The following RBFOX1 variants were observed in gnomAD, a reference collection of about 807,000 sequenced individuals.
The protein encoded by RBFOX1 is RNA binding fox-1 homolog 1.
RBFOX1 carries 8 observed loss-of-function variants against 57.7 expected under a neutral mutation model. The ratio of observed to expected loss-of-function variants is 0.14; its 90% CI spans 0.08 to 0.25. RBFOX1 has a LOEUF of 0.25. RBFOX1 is among the 10% of genes least tolerant of loss of function. The pLI, the probability that RBFOX1 is intolerant of heterozygous loss-of-function variation, is 1.00. For missense variants in RBFOX1, 611 were observed against 548.5 expected (o/e 1.11, Z -1.14); for synonymous variants, 326 against 222.4 (o/e 1.47, Z -4.15).
intron 4 of RBFOX1, among the ~76,000 whole-genome samples, chr16:7,374,981 C>T (rs1204261835): frequency 6.6e-6 from 1 of 152,194 alleles, no homozygotes; most frequent in Non-Finnish European, 1.5e-5. Context: ...TGTACAACAT[C>T]TGTCTTGGTG....
chr16:6,075,489 A>AAT (rs2095885631), intron 1 of RBFOX1, among the ~76,000 whole-genome samples: 1 of 152,210 alleles, frequency 6.6e-6, no homozygotes, highest in Non-Finnish European at 1.5e-5. Context: ...TGCTTTAGAA[A>AAT]ATATACTGTG....
intron 4 of RBFOX1, among the ~76,000 whole-genome samples, chr16:7,062,906 T>A (rs1471658895): frequency 5.4e-5 from 7 of 128,770 alleles, no homozygotes; most frequent in African/African-American, 2.1e-4. Flanking sequence ...TTTTTTTTTT[T>A]TTTTTTTTTT....
intron 10 of RBFOX1, among the ~76,000 whole-genome samples, chr16:7,610,600 A>G (rs1477004447): frequency 4.6e-5 from 7 of 152,186 alleles, no homozygotes; most frequent in Non-Finnish European, 8.8e-5. Flanking sequence ...CGGAAAATCC[A>G]CATGCTTTCC....
At chr16:6,884,128 C>A (rs1167408605) in intron 3 of RBFOX1, among the ~76,000 whole-genome samples, 2 of 152,202 alleles carry the variant, frequency 1.3e-5, no homozygotes, top group African/African-American at 4.8e-5. Flanking sequence ...GCATCTGATG[C>A]TCGACCGAGC....
At chr16:6,836,849 G>A (rs60070997) in intron 3 of RBFOX1, among the ~76,000 whole-genome samples, 2,705 of 152,286 alleles carry the variant, frequency 0.018, 87 homozygotes, top group African/African-American at 0.061. Context: ...AGTCCATGAT[G>A]CAGAATACTT....
At chr16:6,413,282 G>C (rs960562229) in intron 2 of RBFOX1, among the ~76,000 whole-genome samples, 1 of 145,218 alleles carries the variant, frequency 6.9e-6, no homozygotes, top group South Asian at 2.2e-4. Context: ...TGGTGCCATT[G>C]CACTCCAGCC....
At chr16:6,931,344 C>T (rs202023020) in intron 3 of RBFOX1, among the ~76,000 whole-genome samples, 15,249 of 114,088 alleles carry the variant, frequency 0.13, 941 homozygotes, top group East Asian at 0.29. Flanking sequence ...TATCTCTACA[C>T]ACACACACAC....
chr16:7,457,215 G>A (rs1357975447), intron 4 of RBFOX1, among the ~76,000 whole-genome samples: 2 of 151,992 alleles, frequency 1.3e-5, no homozygotes, highest in East Asian at 3.9e-4. Flanking sequence ...CACTCATACA[G>A]CGGGTCCATG....
chr16:5,959,149 C>T (rs1304793084), intron 4 of RBFOX1, among the ~76,000 whole-genome samples: 1 of 152,144 alleles, frequency 6.6e-6, no homozygotes, highest in African/African-American at 2.4e-5. Flanking sequence ...GGACAGACTG[C>T]CCATCCTGTT....
At chr16:7,694,721 G>C (rs541160554) in intron 14 of RBFOX1, among the ~76,000 whole-genome samples, 117 of 152,262 alleles carry the variant, frequency 7.7e-4, no homozygotes, top group African/African-American at 2.6e-3. Context: ...GGAGTGGCAG[G>C]GAATGTTCCT....
At position 5,977,407 on chromosome 16, in the gene RBFOX1, G is replaced by C. The variant is rs375018096; in HGVS notation, c.351+110072G>C. On this transcript the variant is annotated intron_variant, in intron 4 of 19. Coordinates refer to the RBFOX1 transcript ENST00000641259. ...CACTGTGGGAGCTATGTGTCCCTAC[G>C]ATCCCTGGTAATGCTCCCCCAGGGA... Among the ~76,000 whole-genome samples, 43 of 152,238 alleles carry C rather than the reference G, an allele frequency of 2.8e-4. No individual in the cohort carries two copies. The East Asian group carries it at 4.5e-3, about 16-fold the overall frequency.
At chr16:6,733,892 G>A (rs1026143602) in intron 3 of RBFOX1, among the ~76,000 whole-genome samples, 34 of 152,228 alleles carry the variant, frequency 2.2e-4, no homozygotes, top group African/African-American at 7.5e-4. Flanking sequence ...GGTTCTGATT[G>A]TCAGCGCTAT....
intron 3 of RBFOX1, among the ~76,000 whole-genome samples, chr16:6,839,295 A>G (rs530323808): frequency 6.6e-6 from 1 of 152,004 alleles, no homozygotes; most frequent in Non-Finnish European, 1.5e-5. Context: ...CATCATTTTC[A>G]ACATAGCTGC....
chr16:5,300,938 C>G (rs900704788), intron 1 of RBFOX1, among the ~76,000 whole-genome samples: 3 of 152,200 alleles, frequency 2.0e-5, no homozygotes, highest in Non-Finnish European at 2.9e-5. Context: ...CTGTCTGTCT[C>G]TCTCTCGCTC....
In RBFOX1 at chr16:7,461,751, A is replaced by G. The variant is rs138453909; in HGVS notation, c.28-56396A>G. Reference sequence around the variant, plus strand: ...AAAGCTGGGGCTCACAGAGGTTAAGAGTTTCCCAGCCCTCGGAGGTAGTGA... The same window carrying G: ...AAAGCTGGGGCTCACAGAGGTTAAGGGTTTCCCAGCCCTCGGAGGTAGTGA... On this transcript the variant is annotated intron_variant, in intron 4 of 15. Coordinates refer to ENST00000550418, the MANE Select transcript of RBFOX1 (RefSeq NM_018723.4). 8.5e-5 allele frequency among the ~76,000 whole-genome samples: 13 copies of G among 152,280 alleles called. No individual in the cohort carries two copies. In the East Asian group the frequency reaches 1.9e-3, roughly 23 times the overall value.
At chr16:5,904,766 A>C in intron 4 of RBFOX1, among the ~76,000 whole-genome samples, 2 of 151,796 alleles carry the variant, frequency 1.3e-5, no homozygotes, top group South Asian at 4.2e-4. Context: ...TCACGAGGTC[A>C]GGAGATCAAG....
At chr16:6,158,225 C>A (rs1368014547) in intron 1 of RBFOX1, among the ~76,000 whole-genome samples, 1 of 152,158 alleles carries the variant, frequency 6.6e-6, no homozygotes, top group African/African-American at 2.4e-5. Context: ...TCCGGCGGGG[C>A]CTTGGACTTG....
At chr16:5,314,990 C>G (rs888065113) in intron 1 of RBFOX1, among the ~76,000 whole-genome samples, 4 of 152,072 alleles carry the variant, frequency 2.6e-5, no homozygotes, top group Non-Finnish European at 5.9e-5. Flanking sequence ...GAAGTCATAA[C>G]GTGACCCTGG....
Position 5,414,791 on chromosome 16 carries a change from C to T in RBFOX1, c.220-52425C>T, listed in dbSNP as rs376931972. On this transcript the variant is annotated intron_variant, in intron 1 of 2. Transcript: ENST00000585867. ...GAAATTGACAACTGGCTGGACATAA[C>T]GTGACATATAGAGTTGGGGGTAGGC... 8.0e-4 allele frequency among the ~76,000 whole-genome samples: 121 copies of T among 152,188 alleles called. 2 individuals are homozygous for T. In the South Asian group the frequency reaches 0.024, roughly 30 times the overall value.
Sources: gnomAD v4.1 joint callset for allele counts (sites outside exome capture counted in the v4.1 genomes callset) on GRCh38, gnomAD v4.1.1 for gene constraint, MANE v1.5 for transcripts, NCBI Gene and HGNC (gene_info 2026-07-23, HGNC 2026-07-21) for gene names.